CAPN2: variants seen among roughly 807,000 people sequenced by gnomAD.
CAPN2 encodes the protein calpain 2.
A neutral mutation model predicts 102.3 loss-of-function variants in CAPN2; 92 were observed. The ratio of observed to expected loss-of-function variants is 0.90; its 90% CI spans 0.76 to 1.07. The LOEUF (loss-of-function observed/expected upper bound fraction) is 1.07. Among genes scored for constraint, CAPN2 ranks in the 50% least tolerant of loss-of-function variants. CAPN2 has a pLI of 0.00. For missense variants in CAPN2, 800 were observed against 909.4 expected, an observed-to-expected ratio of 0.88 and a Z score of 1.55; for synonymous variants, 340 against 355.4, an observed-to-expected ratio of 0.96 and a Z score of 0.49.
Position 223,742,702 on chromosome 1 carries a change from G to A in CAPN2, c.308-1398G>A, listed in dbSNP as rs116755777. 8.0e-3 allele frequency among the ~76,000 whole-genome samples: 1,202 copies of A among 150,326 alleles called. 13 individuals carry two copies. The highest frequency in any genetic ancestry group is 0.028 in the African/African-American group (1,127 of 40,454). ...ACCTGGCAAATTTTTGTATTTTTTT[G>A]TCGAGACAAAGTTTTACCATGTTGC... On this transcript the variant is annotated intron_variant, in intron 2 of 20. Coordinates refer to ENST00000295006, the MANE Select transcript of CAPN2 (RefSeq NM_001748.5).
Position 223,752,081 on chromosome 1 carries a change from G to C in CAPN2, c.974+10G>C. On this transcript the variant is annotated intron_variant, in intron 8 of 20. Transcript: ENST00000295006. ...AAGATGGAGAATTCTGGTAAGATTA[G>C]TGGAGGCTTCAGGGAAAGCTCTGTC... 6.3e-7 allele frequency: 1 copy of C among 1,592,990 alleles called. No individual in the cohort carries two copies. Among genetic ancestry groups the C allele is most frequent in the Non-Finnish European group, 8.6e-7 (1 of 1,161,236 alleles).
upstream of CAPN2, among the ~76,000 whole-genome samples, chr1:223,709,998 C>T (rs540910373): frequency 5.9e-5 from 9 of 151,886 alleles, no homozygotes; most frequent in East Asian, 1.9e-4. Flanking sequence ...GAAAGGGGCT[C>T]GTGTGGTGGC....
chr1:223,754,550 C>T lies in CAPN2; in HGVS notation c.1136-930C>T, dbSNP rs1340889371. Among the ~76,000 whole-genome samples the T allele has an allele frequency of 6.6e-6, 1 of 152,248 alleles. No homozygotes were observed. The highest frequency in any genetic ancestry group is 1.5e-5 in the Non-Finnish European group (1 of 68,044). On this transcript the variant is annotated intron_variant, in intron 9 of 20. Transcript: ENST00000295006. The surrounding 1 kb of genome is among the most constrained non-coding windows in gnomAD (Gnocchi z 4.7). ...CAAAAACAGGCAGCGGCCTTCGGAG[C>T]CATAGCTGCCAACCCCTACACAAGA...
At chr1:223,707,441 T>G (rs1659635623) in intron 1 of CAPN2, among the ~76,000 whole-genome samples, 1 of 152,192 alleles carries the variant, frequency 6.6e-6, no homozygotes, top group Admixed American at 6.5e-5. Context: ...GTCCTTGTGT[T>G]CCCGTGAAAA....
intron 5 of CAPN2, among the ~76,000 whole-genome samples, chr1:223,747,541 T>C (rs1660778597): frequency 6.6e-6 from 1 of 152,090 alleles, no homozygotes; most frequent in African/African-American, 2.4e-5. Context: ...TTAAAGAACA[T>C]AAATGGTCTG....
upstream of CAPN2, chr1:223,712,475 G>A (rs897360047): frequency 1.5e-5 from 17 of 1,169,984 alleles, no homozygotes; most frequent in East Asian, 6.2e-4. Flanking sequence ...AGCGGCTGAG[G>A]CCACACCCCG....
intron 12 of CAPN2, among the ~76,000 whole-genome samples, chr1:223,760,596 G>A (rs977744657): frequency 3.3e-5 from 5 of 152,184 alleles, no homozygotes; most frequent in African/African-American, 9.7e-5. Flanking sequence ...GAAGACTGGT[G>A]TGTTCAGTTT....
intron 11 of CAPN2, chr1:223,758,695 GT>G (rs950827913): frequency 1.7e-3 from 242 of 142,660 alleles, no homozygotes; most frequent in Non-Finnish European, 2.1e-3. Flanking sequence ...TTTGCTTTTT[GT>G]TTTTTTTTTT....
At chr1:223,753,032 G>T in intron 9 of CAPN2, 76 bp downstream of exon 9, 1 of 1,400,192 alleles carries the variant, frequency 7.1e-7, no homozygotes, top group South Asian at 1.2e-5. Context: ...CCCACCCTGT[G>T]TACCACACCC....
intron 2 of CAPN2, among the ~76,000 whole-genome samples, chr1:223,730,010 CAAA>C (rs57382658): frequency 1.6e-4 from 13 of 79,056 alleles, no homozygotes; most frequent in South Asian, 6.1e-4. Flanking sequence ...CCCAAAAAAC[CAAA>C]AAAAAAAAAA....
At chr1:223,747,287 G>A in intron 5 of CAPN2, 122 bp downstream of exon 5, 1 of 967,558 alleles carries the variant, frequency 1.0e-6, no homozygotes. Flanking sequence ...GTCCACGTAG[G>A]GGCCAAAGGA....
Position 223,712,709 on chromosome 1 carries a change from G to A in CAPN2, c.69G>A (p.Arg23=). Residue 23 remains arginine, a synonymous_variant, in exon 1 of 21, where the codon AGG becomes AGA. Coordinates refer to ENST00000295006, the MANE Select transcript of CAPN2 (RefSeq NM_001748.5). ...EAAEGLGSHD[R]AIKYLNQDYE... ...CCGAGGGGCTGGGCTCCCACGACAG[G>A]GCCATCAAGTACCTCAACCAGGACT... is the stretch of plus-strand genomic sequence containing the variant. 4 of 1,582,912 alleles carry A rather than the reference G, an allele frequency of 2.5e-6. No individual in the cohort carries two copies. Among genetic ancestry groups the A allele is most frequent in the East Asian group, 4.8e-5 (2 of 42,016 alleles).
At chr1:223,732,168 T>A (rs1660354612) in intron 2 of CAPN2, among the ~76,000 whole-genome samples, 1 of 151,988 alleles carries the variant, frequency 6.6e-6, no homozygotes, top group African/African-American at 2.4e-5. Context: ...AACATGCCTC[T>A]CCATACAATG....
chr1:223,747,744 T>TC (rs1283137789), intron 5 of CAPN2, among the ~76,000 whole-genome samples: 1 of 152,138 alleles, frequency 6.6e-6, no homozygotes, highest in African/African-American at 2.4e-5. Flanking sequence ...GAGAATAGCT[T>TC]CCTCCTGTGC....
intron 2 of CAPN2, among the ~76,000 whole-genome samples, chr1:223,723,655 G>A (rs187365959): frequency 4.9e-4 from 74 of 152,072 alleles, no homozygotes; most frequent in Admixed American, 1.8e-3. Flanking sequence ...TCTTGCCTTC[G>A]TGCATCTAAG....
rs547939950 is a variant in CAPN2 at position 223,728,997 on chromosome 1, C to T, written c.307+11166C>T. Among the ~76,000 whole-genome samples, 11 of 152,350 alleles carry T rather than the reference C, an allele frequency of 7.2e-5. No individual in the cohort carries two copies. In the South Asian group the frequency reaches 2.1e-3, roughly 29 times the overall value. On this transcript the variant is annotated intron_variant, in intron 2 of 20. Coordinates refer to ENST00000295006, the MANE Select transcript of CAPN2 (RefSeq NM_001748.5). ...AATCCCTTCTCTATACAAGGTTCTT[C>T]CCTTTCTGTGTCCAACCAGTCCCTC...
At chr1:223,707,595 T>C (rs1360841701), upstream of CAPN2, among the ~76,000 whole-genome samples, 7 of 152,194 alleles carry the variant, frequency 4.6e-5, no homozygotes, top group Non-Finnish European at 7.4e-5. Context: ...GTAGTCATTG[T>C]ATGTGTTTGC....
intron 1 of CAPN2, among the ~76,000 whole-genome samples, chr1:223,715,407 T>G (rs1337388853): frequency 6.6e-6 from 1 of 151,922 alleles, no homozygotes; most frequent in Non-Finnish European, 1.5e-5. Context: ...GTGTCATATG[T>G]TGAATCACCA....
chr1:223,772,288 G>C, intron 20 of CAPN2, 49 bp downstream of exon 20: 1 of 1,498,818 alleles, frequency 6.7e-7, no homozygotes, highest in Non-Finnish European at 9.3e-7. Context: ...GGGAGGCATG[G>C]GGCGGAAAGG....
Sources: allele counts gnomAD v4.1 joint callset (sites outside exome capture counted in the v4.1 genomes callset), GRCh38; gene constraint gnomAD v4.1.1; non-coding constraint Gnocchi (gnomAD v3.1); transcripts MANE v1.5; gene names NCBI Gene and HGNC (gene_info 2026-07-23, HGNC 2026-07-21).